The following PTPRM variants were observed in gnomAD, a reference collection of about 807,000 sequenced individuals.
The protein encoded by PTPRM is protein tyrosine phosphatase receptor type M.
A neutral mutation model predicts 186.7 loss-of-function variants in PTPRM; 47 were observed. The observed-to-expected ratio is 0.25, with a 90% CI of 0.20 to 0.32. The LOEUF is 0.32. Among genes scored for constraint, PTPRM ranks in the 10% least tolerant of loss-of-function variants. The probability of loss-of-function intolerance (pLI) is 1.00; values close to 1 mark genes in which losing one functional copy is unlikely to be tolerated. For missense variants in PTPRM, 1,494 were observed against 1,865.0 expected (o/e 0.80, Z 3.66); for synonymous variants, 668 against 674.9 (o/e 0.99, Z 0.16).
chr18:8,388,177 A>G (rs1487163076), intron 31 of PTPRM, among the ~76,000 whole-genome samples: 1 of 152,230 alleles, frequency 6.6e-6, no homozygotes, highest in African/African-American at 2.4e-5. Context: ...AATCGGCTTA[A>G]TAGAACAGGC....
rs2095692935 is a variant in PTPRM, at chr18:8,376,084, C to T, written c.3210C>T (p.His1070=). The change falls in exon 25 of 33, where the codon CAC becomes CAT. Residue 1070 remains histidine, a synonymous_variant. Coordinates refer to ENST00000580170, the MANE Select transcript of PTPRM (RefSeq NM_001105244.2). The stretch of plus-strand genomic sequence containing the variant: ...AAATCCGAGAGATCAGACAGTTTCA[C>T]TTCACTGGCTGGCCGGATCATGGGG... ...VHEIREIRQF[H]FTGWPDHGVP... 7.4e-6 allele frequency: 12 copies of T among 1,613,886 alleles called. No individual in the cohort carries two copies. The highest frequency in any genetic ancestry group is 1.1e-5 in the South Asian group (1 of 91,082).
At position 8,168,236 on chromosome 18, in the gene PTPRM, G is replaced by A. The variant is rs970721589; in HGVS notation, c.2300+24457G>A. 8.5e-5 allele frequency among the ~76,000 whole-genome samples: 13 copies of A among 152,160 alleles called. 1 individual carries two copies. Among genetic ancestry groups the A allele is most frequent in the African/African-American group, 2.9e-4 (12 of 41,440 alleles). On this transcript the variant is annotated intron_variant, in intron 14 of 32. Transcript: ENST00000580170. ...AGTATTTTTACATAAATTTGACAAG[G>A]ACGTATTTTCATTTTTAATCACAGC...
chr18:8,100,508 G>A (rs2091246224), intron 11 of PTPRM, among the ~76,000 whole-genome samples: 1 of 152,142 alleles, frequency 6.6e-6, no homozygotes, highest in Non-Finnish European at 1.5e-5. Context: ...TTATCCCCAA[G>A]GAGATGGCCC....
chr18:7,667,711 C>G (rs1406582875), intron 1 of PTPRM, among the ~76,000 whole-genome samples: 1 of 151,964 alleles, frequency 6.6e-6, no homozygotes, highest in African/African-American at 2.4e-5. Context: ...GTAAACTATC[C>G]ATAGGCTGAT....
chr18:7,612,539 C>G (rs2037702392), intron 1 of PTPRM, among the ~76,000 whole-genome samples: 1 of 152,070 alleles, frequency 6.6e-6, no homozygotes, highest in Admixed American at 6.5e-5. Flanking sequence ...AGCCTTGGAC[C>G]CTTGCTTCAT....
chr18:8,307,701 G>A (rs2095236213), intron 20 of PTPRM, among the ~76,000 whole-genome samples: 1 of 151,990 alleles, frequency 6.6e-6, no homozygotes, highest in Non-Finnish European at 1.5e-5. Flanking sequence ...CTACTCAAAA[G>A]GCTGAGAGAG....
intron 14 of PTPRM, among the ~76,000 whole-genome samples, chr18:8,198,591 G>T (rs1474869620): frequency 6.6e-6 from 1 of 152,182 alleles, no homozygotes; most frequent in Non-Finnish European, 1.5e-5. Flanking sequence ...GCTCCTGCTT[G>T]TGCTCCACTG....
chr18:7,780,226 A>G (rs2042789105), intron 2 of PTPRM, among the ~76,000 whole-genome samples: 2 of 152,178 alleles, frequency 1.3e-5, no homozygotes, highest in Admixed American at 6.5e-5. Context: ...TTTGTTCTGT[A>G]TCATTTGGTT....
intron 7 of PTPRM, among the ~76,000 whole-genome samples, chr18:7,969,510 A>C (rs2054383838): frequency 6.7e-6 from 1 of 149,622 alleles, no homozygotes; most frequent in African/African-American, 2.5e-5. Context: ...AAAATCAATG[A>C]ATCCAGGAGC....
intron 1 of PTPRM, among the ~76,000 whole-genome samples, chr18:7,697,273 T>C (rs2039865356): frequency 6.6e-6 from 1 of 152,220 alleles, no homozygotes; most frequent in Admixed American, 6.5e-5. Flanking sequence ...CCATCACCCA[T>C]CTGGAGGGTT....
At chr18:8,389,082 C>T (rs967341465) in intron 31 of PTPRM, among the ~76,000 whole-genome samples, 4 of 152,202 alleles carry the variant, frequency 2.6e-5, no homozygotes, top group Non-Finnish European at 4.4e-5. Context: ...AAGAGGCTCA[C>T]GCTGAGATGA....
At chr18:7,856,436 T>A (rs751572031) in intron 2 of PTPRM, among the ~76,000 whole-genome samples, 1 of 152,176 alleles carries the variant, frequency 6.6e-6, no homozygotes, top group Non-Finnish European at 1.5e-5. Context: ...GATACCCACA[T>A]TAGACCAGTT....
chr18:7,660,578 G>A (rs1206994493), intron 1 of PTPRM, among the ~76,000 whole-genome samples: 1 of 152,030 alleles, frequency 6.6e-6, no homozygotes, highest in African/African-American at 2.4e-5. Context: ...GGGCCGGTGG[G>A]CCACACTCCT....
intron 2 of PTPRM, among the ~76,000 whole-genome samples, chr18:7,871,788 G>A (rs879408616): frequency 2.0e-5 from 3 of 152,188 alleles, no homozygotes; most frequent in Non-Finnish European, 4.4e-5. Flanking sequence ...CAACATCACT[G>A]TCTTCCTGCC....
intron 2 of PTPRM, among the ~76,000 whole-genome samples, chr18:7,825,679 C>T (rs966840071): frequency 1.3e-5 from 2 of 152,142 alleles, no homozygotes; most frequent in African/African-American, 2.4e-5. Context: ...AGCCCCGAGG[C>T]TCCCATCCCC....
Position 7,916,414 on chromosome 18 carries a change from A to G in PTPRM, c.547+9831A>G, listed in dbSNP as rs1258943701. On this transcript the variant is annotated intron_variant, in intron 4 of 32. Transcript: ENST00000580170. ...TTTTATAACTTTCTCAAGAAAGATT[A>G]TAGAAGTTAGTACTTATTGTATTTT... is the stretch of plus-strand genomic sequence containing the variant. 4.6e-5 allele frequency among the ~76,000 whole-genome samples: 7 copies of G among 152,226 alleles called. No homozygotes were observed. In the South Asian group the frequency reaches 1.0e-3, roughly 23 times the overall value.
intron 2 of PTPRM, among the ~76,000 whole-genome samples, chr18:7,844,809 C>G (rs1354602752): frequency 6.6e-6 from 1 of 152,196 alleles, no homozygotes; most frequent in Non-Finnish European, 1.5e-5. Flanking sequence ...GTAAGTGTCT[C>G]TGTCCATTTT....
chr18:7,972,465 A>T (rs1391002171), intron 7 of PTPRM, among the ~76,000 whole-genome samples: 3 of 92,194 alleles, frequency 3.3e-5, no homozygotes, highest in African/African-American at 1.1e-4. Flanking sequence ...GTATAATTAA[A>T]AAAAAAAAAA....
At chr18:7,806,919 C>T (rs937437693) in intron 2 of PTPRM, among the ~76,000 whole-genome samples, 1 of 152,128 alleles carries the variant, frequency 6.6e-6, no homozygotes, top group African/African-American at 2.4e-5. Context: ...TTTTCTTTTT[C>T]CCATTTTCCC....
Sources: gnomAD v4.1 joint callset for allele counts (sites outside exome capture counted in the v4.1 genomes callset) on GRCh38, gnomAD v4.1.1 for gene constraint, MANE v1.5 for transcripts, NCBI Gene and HGNC (gene_info 2026-07-23, HGNC 2026-07-21) for gene names.